Variants in AIG1 observed in about 807,000 individuals in gnomAD.
AIG1 encodes the protein androgen-induced gene 1 protein.
Under a neutral mutation model 31.4 loss-of-function variants are expected in AIG1, and 23 were observed. The observed-to-expected ratio is 0.73, with a 90% CI of 0.53 to 1.04. The LOEUF (loss-of-function observed/expected upper bound fraction) is 1.04. AIG1 is among the 50% of genes least tolerant of loss of function. The probability of loss-of-function intolerance (pLI) is 0.00; values close to 1 mark genes in which losing one functional copy is unlikely to be tolerated. For synonymous variants in AIG1, 100 were observed against 110.5 expected, an observed-to-expected ratio of 0.90 and a Z score of 0.60; for missense variants, 274 against 295.0, an observed-to-expected ratio of 0.93 and a Z score of 0.52.
intron 1 of AIG1, among the ~76,000 whole-genome samples, chr6:143,101,179 G>C (rs967698924): frequency 1.3e-5 from 2 of 151,974 alleles, no homozygotes; most frequent in African/African-American, 4.8e-5. Flanking sequence ...TGAAGAGTCT[G>C]TTTTAGGTGA....
chr6:143,309,799 T>G (rs1370419836), intron 4 of AIG1, among the ~76,000 whole-genome samples: 1 of 151,602 alleles, frequency 6.6e-6, no homozygotes, highest in Non-Finnish European at 1.5e-5. Flanking sequence ...AAGAGTAAAA[T>G]GATGAAGAAA....
chr6:143,123,156 C>G (rs964829145), intron 1 of AIG1, among the ~76,000 whole-genome samples: 2 of 152,160 alleles, frequency 1.3e-5, no homozygotes, highest in Non-Finnish European at 2.9e-5. Context: ...AGTCAGGTCC[C>G]CTCCCACTCC....
chr6:143,061,650 A>G (rs999525564), intron 1 of AIG1: 44 of 250,582 alleles, frequency 1.8e-4, no homozygotes, highest in Non-Finnish European at 2.9e-4. Flanking sequence ...CCCCGTACAT[A>G]TTAGGAGACA....
At chr6:143,192,731 T>C (rs1459211345) in intron 3 of AIG1, among the ~76,000 whole-genome samples, 1 of 152,154 alleles carries the variant, frequency 6.6e-6, no homozygotes, top group Admixed American at 6.5e-5. Context: ...CCTTGTGAGT[T>C]TATAATCTAG....
chr6:143,120,619 T>C (rs6908577), intron 1 of AIG1, among the ~76,000 whole-genome samples: 34,084 of 152,104 alleles, frequency 0.22, 7,647 homozygotes, highest in African/African-American at 0.56. Context: ...TCAATTACGT[T>C]CCACCAGGTC....
intron 1 of AIG1, among the ~76,000 whole-genome samples, chr6:143,108,795 G>A (rs146651434): frequency 6.6e-6 from 1 of 152,260 alleles, no homozygotes; most frequent in Non-Finnish European, 1.5e-5. Flanking sequence ...CATCTTACAT[G>A]AATTGACTAC....
At chr6:143,198,698 C>T (rs1790452007) in intron 3 of AIG1, among the ~76,000 whole-genome samples, 1 of 152,062 alleles carries the variant, frequency 6.6e-6, no homozygotes, top group African/African-American at 2.4e-5. Flanking sequence ...GCCTACCACA[C>T]CACGTCTGCA....
At chr6:143,296,221 A>C (rs556821089) in intron 4 of AIG1, among the ~76,000 whole-genome samples, 1 of 152,276 alleles carries the variant, frequency 6.6e-6, no homozygotes, top group South Asian at 2.1e-4. Flanking sequence ...TGATTCATTT[A>C]AATTGCCAAC....
chr6:143,095,705 A>G (rs1312030003), intron 1 of AIG1, among the ~76,000 whole-genome samples: 3 of 152,188 alleles, frequency 2.0e-5, no homozygotes, highest in Non-Finnish European at 2.9e-5. Flanking sequence ...AGTTTTCAGA[A>G]CATACTATGC....
intron 4 of AIG1, among the ~76,000 whole-genome samples, chr6:143,324,135 G>A (rs1776428835): frequency 6.6e-6 from 1 of 152,168 alleles, no homozygotes; most frequent in Non-Finnish European, 1.5e-5. Context: ...GCCAAGCCAT[G>A]CAGTAAATTC....
In AIG1 at chr6:143,292,055, G is replaced by T. The variant is rs1321368688; in HGVS notation, c.515+7830G>T. 6.6e-6 allele frequency among the ~76,000 whole-genome samples: 1 copy of T among 152,194 alleles called. No individual in the cohort carries two copies. Among genetic ancestry groups the T allele is most frequent in the East Asian group, 1.9e-4 (1 of 5,200 alleles). On this transcript the variant is annotated intron_variant, in intron 4 of 5. Transcript: ENST00000357847. This position sits in a 1 kb window ranked among gnomAD's most constrained non-coding sequence, Gnocchi z 4.9. ...CCTGGTGGTAGAAATGGCGTTAATA[G>T]GATTCTGGATATATTTTGAAGGTAG... is the stretch of plus-strand genomic sequence containing the variant.
At chr6:143,173,546 C>G (rs779950687) in intron 3 of AIG1, among the ~76,000 whole-genome samples, 2 of 152,180 alleles carry the variant, frequency 1.3e-5, no homozygotes, top group Non-Finnish European at 2.9e-5. Context: ...CCTCTTAGCA[C>G]TGCTTTTGCT....
chr6:143,079,033 T>A (rs1239775438), intron 1 of AIG1, among the ~76,000 whole-genome samples: 1 of 152,166 alleles, frequency 6.6e-6, no homozygotes, highest in African/African-American at 2.4e-5. Flanking sequence ...TCTTATGATG[T>A]CATGCGGTTC....
At chr6:143,076,429 A>G (rs73777869) in intron 1 of AIG1, among the ~76,000 whole-genome samples, 16,467 of 151,968 alleles carry the variant, frequency 0.11, 2,829 homozygotes, top group African/African-American at 0.37. Context: ...CTTTTTCCAT[A>G]TTTTTACTTT....
Position 143,279,565 on chromosome 6 carries a change from G to A in AIG1, c.400-4545G>A, listed in dbSNP as rs868700240. Among the ~76,000 whole-genome samples, 9 of 152,186 alleles carry A rather than the reference G, an allele frequency of 5.9e-5. No homozygotes were observed. The highest frequency in any genetic ancestry group is 1.3e-4 in the Admixed American group (2 of 15,278). On this transcript the variant is annotated intron_variant, in intron 3 of 5. Coordinates refer to ENST00000357847, the MANE Select transcript of AIG1 (RefSeq NM_016108.4). This position sits in a 1 kb window ranked among gnomAD's most constrained non-coding sequence, Gnocchi z 5.4. ...CCGTGAATCCAGCCCCACCTCAGGT[G>A]TGAGGACTGCTCTGTGTGGAGGTGA... is the stretch of plus-strand genomic sequence containing the variant.
At chr6:143,149,118 C>G (rs1029484306) in intron 2 of AIG1, among the ~76,000 whole-genome samples, 2 of 152,190 alleles carry the variant, frequency 1.3e-5, no homozygotes, top group Non-Finnish European at 2.9e-5. Flanking sequence ...GTACTCCAAA[C>G]TTTTTGACAA....
chr6:143,265,845 C>T (rs546939292), intron 3 of AIG1, among the ~76,000 whole-genome samples: 3 of 152,208 alleles, frequency 2.0e-5, no homozygotes, highest in Non-Finnish European at 4.4e-5. Flanking sequence ...ATTCCATAAA[C>T]ATGCATTAAG....
At chr6:143,069,722 T>C (rs1265862519) in intron 1 of AIG1, among the ~76,000 whole-genome samples, 1 of 152,224 alleles carries the variant, frequency 6.6e-6, no homozygotes, top group Admixed American at 6.5e-5. Flanking sequence ...TTGGCAAATA[T>C]GTGATTTGCA....
chr6:143,149,351 C>T (rs1784977157), intron 2 of AIG1, among the ~76,000 whole-genome samples: 1 of 151,476 alleles, frequency 6.6e-6, no homozygotes, highest in Non-Finnish European at 1.5e-5. Flanking sequence ...ATGGTGAAAC[C>T]CCGTCCCTAC....
Sources: allele counts gnomAD v4.1 joint callset (sites outside exome capture counted in the v4.1 genomes callset), GRCh38; gene constraint gnomAD v4.1.1; non-coding constraint Gnocchi (gnomAD v3.1); transcripts MANE v1.5; gene names NCBI Gene and HGNC (gene_info 2026-07-23, HGNC 2026-07-21).